The following PPM1H variants were observed in gnomAD, a reference collection of about 807,000 sequenced individuals.
PPM1H encodes the protein protein phosphatase, Mg2+/Mn2+ dependent 1H.
In PPM1H, 27 loss-of-function variants were observed where a neutral mutation model predicts 54.9. The ratio of observed to expected loss-of-function variants is 0.49; its 90% CI spans 0.36 to 0.68. The LOEUF (loss-of-function observed/expected upper bound fraction) is 0.68. Among genes scored for constraint, PPM1H ranks in the 30% least tolerant of loss-of-function variants. The pLI, the probability that PPM1H is intolerant of heterozygous loss-of-function variation, is 0.00. For synonymous variants in PPM1H, 305 were observed against 270.8 expected (o/e 1.13, Z -1.24); for missense variants, 596 against 667.8 (o/e 0.89, Z 1.19).
intron 4 of PPM1H, among the ~76,000 whole-genome samples, chr12:62,773,373 GC>G (rs1175160363): frequency 6.6e-6 from 1 of 152,200 alleles, no homozygotes; most frequent in Non-Finnish European, 1.5e-5. Context: ...TACTTGGGAG[GC>G]TGAGGTGGAA....
chr12:62,662,350 ACATT>A (rs1407930033), intron 9 of PPM1H, among the ~76,000 whole-genome samples: 1 of 152,258 alleles, frequency 6.6e-6, no homozygotes, highest in African/African-American at 2.4e-5. Flanking sequence ...GGCGAAAAAC[ACATT>A]CAAATTCAAA....
chr12:62,743,293 C>T (rs907646528), intron 4 of PPM1H, among the ~76,000 whole-genome samples: 3 of 152,216 alleles, frequency 2.0e-5, no homozygotes, highest in Non-Finnish European at 4.4e-5. Context: ...GGGGAGGTTG[C>T]AGTGAGCCGA....
intron 1 of PPM1H, among the ~76,000 whole-genome samples, chr12:62,924,137 G>A (rs1407687675): frequency 6.6e-6 from 1 of 152,112 alleles, no homozygotes; most frequent in East Asian, 1.9e-4. Context: ...AAAGGTTACA[G>A]AATAAAATAA....
At chr12:62,840,919 C>T (rs1030165529) in intron 1 of PPM1H, among the ~76,000 whole-genome samples, 8 of 151,446 alleles carry the variant, frequency 5.3e-5, no homozygotes, top group Admixed American at 2.0e-4. Context: ...GGCAGGGTCT[C>T]TTACAATAGT....
At chr12:62,769,498 A>T (rs866396199) in intron 4 of PPM1H, among the ~76,000 whole-genome samples, 2 of 152,244 alleles carry the variant, frequency 1.3e-5, no homozygotes, top group Non-Finnish European at 2.9e-5. Flanking sequence ...CCTGCTCATA[A>T]GCTAAAGAAT....
intron 6 of PPM1H, among the ~76,000 whole-genome samples, chr12:62,719,699 A>G (rs1234792196): frequency 6.6e-6 from 1 of 152,212 alleles, no homozygotes; most frequent in Non-Finnish European, 1.5e-5. Context: ...GAATCTTCAA[A>G]GGATATATCT....
intron 2 of PPM1H, among the ~76,000 whole-genome samples, chr12:62,814,524 A>T (rs942859586): frequency 6.6e-6 from 1 of 152,204 alleles, no homozygotes; most frequent in African/African-American, 2.4e-5. Flanking sequence ...TGCCAAAAAA[A>T]TTGTTTTTAA....
At chr12:62,901,351 G>A (rs56302736) in intron 1 of PPM1H, among the ~76,000 whole-genome samples, 3,084 of 152,240 alleles carry the variant, frequency 0.02, 49 homozygotes, top group Admixed American at 0.032. Flanking sequence ...TTGAATTGGA[G>A]GAAAAGATTG....
intron 1 of PPM1H, among the ~76,000 whole-genome samples, chr12:62,925,206 A>G (rs1280596052): frequency 6.6e-6 from 1 of 152,256 alleles, no homozygotes; most frequent in African/African-American, 2.4e-5. Flanking sequence ...TTTGTTTTAT[A>G]AAATAAACAT....
At chr12:62,822,294 C>T (rs1191818956) in intron 2 of PPM1H, among the ~76,000 whole-genome samples, 1 of 152,122 alleles carries the variant, frequency 6.6e-6, no homozygotes, top group Non-Finnish European at 1.5e-5. Flanking sequence ...TAGACTCCCA[C>T]ACAATAATAA....
At chr12:62,820,504 G>T (rs1298414526) in intron 2 of PPM1H, among the ~76,000 whole-genome samples, 1 of 152,204 alleles carries the variant, frequency 6.6e-6, no homozygotes, top group Non-Finnish European at 1.5e-5. Context: ...GGGGCCGACT[G>T]ACACCTCATA....
chr12:62,882,224 T>C (rs1480246017), intron 1 of PPM1H, among the ~76,000 whole-genome samples: 1 of 152,258 alleles, frequency 6.6e-6, no homozygotes, highest in African/African-American at 2.4e-5. Flanking sequence ...CTATACACTA[T>C]GTGCCAGGTG....
chr12:62,901,522 A>G (rs1871162906), intron 1 of PPM1H, among the ~76,000 whole-genome samples: 1 of 152,208 alleles, frequency 6.6e-6, no homozygotes, highest in African/African-American at 2.4e-5. Context: ...GGGGACTGTC[A>G]ATAGTACTTG....
At chr12:62,789,612 G>T (rs1367459585) in intron 3 of PPM1H, among the ~76,000 whole-genome samples, 1 of 152,136 alleles carries the variant, frequency 6.6e-6, no homozygotes, top group Non-Finnish European at 1.5e-5. Context: ...CTTTCTCTAC[G>T]TCACGTAGTG....
chr12:62,891,543 G>C (rs11174710), intron 1 of PPM1H, among the ~76,000 whole-genome samples: 1 of 152,188 alleles, frequency 6.6e-6, no homozygotes, highest in Non-Finnish European at 1.5e-5. Flanking sequence ...TTTTAACTCA[G>C]ATGCTAATGT....
chr12:62,745,768 GT>G (rs1308934807), intron 4 of PPM1H, among the ~76,000 whole-genome samples: 1 of 152,200 alleles, frequency 6.6e-6, no homozygotes, highest in Admixed American at 6.5e-5. Flanking sequence ...AGAAAAATAG[GT>G]TTAGAACTGC....
At chr12:62,845,042 G>C (rs1274288921) in intron 1 of PPM1H, among the ~76,000 whole-genome samples, 1 of 152,176 alleles carries the variant, frequency 6.6e-6, no homozygotes, top group African/African-American at 2.4e-5. Context: ...TCTGGCTTCT[G>C]CCTTATAAAT....
chr12:62,872,470 A>C (rs1870020979), intron 1 of PPM1H, among the ~76,000 whole-genome samples: 1 of 152,206 alleles, frequency 6.6e-6, no homozygotes, highest in African/African-American at 2.4e-5. Context: ...TTTTTCACTA[A>C]GATACTAACT....
rs2075944815 is a variant in PPM1H at position 62,669,856 on chromosome 12, T to A, written c.1246-2527A>T. 2.0e-5 allele frequency among the ~76,000 whole-genome samples: 3 copies of A among 151,446 alleles called. No homozygotes were observed. The South Asian group carries it at 6.3e-4, about 32-fold the overall frequency. ...TGGGAGGCTGAGGCAGGAGAATTGC[T>A]TGAACCCAGGATTTTGAGGCTGTGG... On this transcript the variant is annotated intron_variant, in intron 8 of 9. Transcript: ENST00000228705.
Sources: allele counts gnomAD v4.1 joint callset (sites outside exome capture counted in the v4.1 genomes callset), GRCh38; gene constraint gnomAD v4.1.1; transcripts MANE v1.5; gene names NCBI Gene and HGNC (gene_info 2026-07-23, HGNC 2026-07-21).